Variants in CD200 observed in about 807,000 individuals in gnomAD.
The protein encoded by CD200 is CD200 molecule, also known as OX-2 membrane glycoprotein.
In CD200, 15 loss-of-function variants were observed where a neutral mutation model predicts 30.9. The ratio of observed to expected loss-of-function variants is 0.49; its 90% confidence interval spans 0.32 to 0.75. The LOEUF is 0.75. Ranked by LOEUF, CD200 falls within the 30% of genes least tolerant of loss-of-function variation. The probability of loss-of-function intolerance (pLI) is 0.03; values close to 1 mark genes in which losing one functional copy is unlikely to be tolerated. For missense variants in CD200, 262 were observed against 324.2 expected (o/e 0.81, Z 1.47); for synonymous variants, 134 against 126.2 (o/e 1.06, Z -0.41).
At chr3:112,356,669 A>G (rs1006039183) in intron 5 of CD200, among the ~76,000 whole-genome samples, 6 of 152,248 alleles carry the variant, frequency 3.9e-5, no homozygotes, top group Non-Finnish European at 7.3e-5. Flanking sequence ...ATTTATTTCT[A>G]CAATATTTCT....
chr3:112,355,485 G>A (rs1334411468), intron 5 of CD200, among the ~76,000 whole-genome samples: 2 of 151,726 alleles, frequency 1.3e-5, no homozygotes, highest in Admixed American at 1.3e-4. Flanking sequence ...CTTTGTCTTC[G>A]TCATAAGCAT....
At chr3:112,341,513 A>G (rs531821084) in intron 2 of CD200, among the ~76,000 whole-genome samples, 69 of 152,214 alleles carry the variant, frequency 4.5e-4, no homozygotes, top group African/African-American at 1.6e-3. Flanking sequence ...GGGAGGCCAC[A>G]CTCACTTTAC....
intron 5 of CD200, among the ~76,000 whole-genome samples, chr3:112,353,033 A>C (rs1485754059): frequency 6.6e-6 from 1 of 152,230 alleles, no homozygotes; most frequent in African/African-American, 2.4e-5. Context: ...CCAGCACTTT[A>C]AAACAGTAAG....
rs748502402 is a variant in CD200 at position 112,347,782 on chromosome 3, G to T, written c.646G>T (p.Val216Leu). ...GGTGGGGAAGGAGGTGATCTGCCAG[G>T]TGCTGCACCTGGGGACTGTGACCGA... ...NQVGKEVICQVLHLGTVTDFK... is the reference protein window; with the variant it reads ...NQVGKEVICQLLHLGTVTDFK... The change falls in exon 4 of 6, where the codon GTG (valine) becomes TTG (leucine). Residue 216 changes from valine (V) to leucine (L), a missense_variant. Coordinates refer to ENST00000315711, the MANE Select transcript of CD200 (RefSeq NM_005944.7). The T allele has an allele frequency of 1.2e-6, 2 of 1,613,880 alleles. No homozygotes were observed. Among genetic ancestry groups the T allele is most frequent in the Admixed American group, 1.7e-5 (1 of 59,998 alleles).
At chr3:112,347,223 C>T (rs1350066396) in intron 3 of CD200, among the ~76,000 whole-genome samples, 1 of 152,202 alleles carries the variant, frequency 6.6e-6, no homozygotes, top group African/African-American at 2.4e-5. Context: ...TGCATTGCCC[C>T]TGGAAGAGAA....
intron 5 of CD200, among the ~76,000 whole-genome samples, chr3:112,351,049 C>T (rs1284976159): frequency 6.6e-6 from 1 of 152,076 alleles, no homozygotes; most frequent in Non-Finnish European, 1.5e-5. Context: ...CATAAGTGCT[C>T]CACAGAATAA....
At position 112,340,982 on chromosome 3, in the gene CD200, A is replaced by G. The variant is rs748868833; in HGVS notation, c.93A>G (p.Gln31=). ...VMAAVVLCTA[Q]VQVVTQDERE... is the part of the protein sequence containing the mutation. ...CAGCAGTGGTGCTGTGCACAGCACA[A>G]GGTAAAGAAACTCAATTCCCCTGCT... Residue 31 remains glutamine, a splice_region_variant and synonymous_variant, in exon 2 of 6, where the codon CAA becomes CAG. Transcript: ENST00000315711. 1 of 1,603,318 alleles carries G rather than the reference A, an allele frequency of 6.2e-7. No homozygotes were observed. Among genetic ancestry groups the G allele is most frequent in the South Asian group, 1.1e-5 (1 of 90,644 alleles).
chr3:112,342,381 CTTTCTTTCTTTCT>C, intron 2 of CD200, among the ~76,000 whole-genome samples: 2 of 42,020 alleles, frequency 4.8e-5, no homozygotes, highest in East Asian at 8.9e-4. Context: ...TTCTTTCTTT[CTTTCTTTCTTTCT>C]TTCTTTCTTT....
intron 5 of CD200, among the ~76,000 whole-genome samples, chr3:112,358,743 G>GT (rs2081677880): frequency 6.6e-6 from 1 of 152,206 alleles, no homozygotes; most frequent in Admixed American, 6.5e-5. Flanking sequence ...TTTGCATCTA[G>GT]TTTCTCCTGT....
Position 112,347,723 on chromosome 3 carries a change from C to T in CD200, c.587C>T (p.Thr196Ile), listed in dbSNP as rs147048394. Residue 196 changes from threonine (T) to isoleucine (I), a missense_variant, in exon 4 of 6, where the codon ACC (threonine) becomes ATC (isoleucine). By Grantham distance (89) the Thr-to-Ile change is moderately conservative. Coordinates refer to ENST00000315711, the MANE Select transcript of CD200 (RefSeq NM_005944.7). ...LSHPNGTTSV[T>I]SILHIKDPKN... The stretch of plus-strand genomic sequence containing the variant: ...CACCCAAATGGGACCACGTCTGTTA[C>T]CAGCATCCTCCATATCAAAGACCCT... The T allele has an allele frequency of 5.0e-5, 80 of 1,613,966 alleles. No homozygotes were observed. The African/African-American group carries it at 9.3e-4, about 19-fold the overall frequency.
At chr3:112,361,481 A>G in intron 5 of CD200, 62 bp from the exon 6 acceptor site, 1 of 1,235,966 alleles carries the variant, frequency 8.1e-7, no homozygotes, top group Non-Finnish European at 1.2e-6. Context: ...TATCTTCTTA[A>G]AATGTATTAT....
rs869284838 is a variant in CD200, at chr3:112,342,338, C to CTTCT, written c.94+1445_94+1448dup. Among the ~76,000 whole-genome samples, 52 of 21,910 alleles carry CTTCT rather than the reference C, an allele frequency of 2.4e-3. 1 individual carries two copies. Among genetic ancestry groups the CTTCT allele is most frequent in the Admixed American group, 7.6e-3 (15 of 1,964 alleles). The allele number at this position is 21,910 out of a possible 152,430, so 14.4% of individuals were successfully genotyped here. On this transcript the variant is annotated intron_variant, in intron 2 of 5. Transcript: ENST00000315711. ...CTTTCTTTCTTTCTTTCTTTCTTTCCTTCTTTCTTTCTTTCTTTCTTTCTT... is the reference window on the plus strand; with the variant it reads ...CTTTCTTTCTTTCTTTCTTTCTTTCCTTCTTTCTTTCTTTCTTTCTTTCTTTCTT...
In CD200 at chr3:112,334,188, T is replaced by C. The variant is rs372635934; in HGVS notation, c.12+964T>C. ...TTTACACATAAACAGGCGGAAAGGC[T>C]GATATTTCCAAGTCCTTGTGACTAC... On this transcript the variant is annotated intron_variant, in intron 1 of 5. Transcript: ENST00000315711. The C allele has an allele frequency of 5.0e-5, 49 of 985,356 alleles. 1 individual carries two copies. The African/African-American group carries it at 8.0e-4, about 16-fold the overall frequency. The allele number at this position is 985,356 out of a possible 1,614,324, so 61.0% of individuals were successfully genotyped here.
chr3:112,337,549 G>A (rs2081146053), intron 1 of CD200, among the ~76,000 whole-genome samples: 1 of 152,182 alleles, frequency 6.6e-6, no homozygotes, highest in African/African-American at 2.4e-5. Context: ...TCTCTAGATA[G>A]TTAGGGGCTA....
At chr3:112,357,876 C>A (rs572635302) in intron 5 of CD200, among the ~76,000 whole-genome samples, 1 of 152,202 alleles carries the variant, frequency 6.6e-6, no homozygotes, top group African/African-American at 2.4e-5. Flanking sequence ...TTAATAAAGA[C>A]CAAAACATTT....
At chr3:112,333,074 G>A (rs1439537264), upstream of CD200, 95 of 1,293,398 alleles carry the variant, frequency 7.3e-5, no homozygotes, top group Non-Finnish European at 9.7e-5. Context: ...GGGGAAAACG[G>A]AGTGGGAGAA....
At chr3:112,333,667 C>A (rs1391922927) in intron 1 of CD200, 1 of 985,288 alleles carries the variant, frequency 1.0e-6, no homozygotes, top group Non-Finnish European at 1.2e-6. Context: ...CCAAAAGCTG[C>A]GGCGGAGATA....
At chr3:112,358,072 TCACACACGCG>T (rs777984121) in intron 5 of CD200, among the ~76,000 whole-genome samples, 9 of 152,098 alleles carry the variant, frequency 5.9e-5, no homozygotes, top group Non-Finnish European at 1.3e-4. Context: ...CAGGGGGCAT[TCACACACGCG>T]CACACACACG....
At chr3:112,350,908 T>C (rs12491166) in intron 5 of CD200, among the ~76,000 whole-genome samples, 42,696 of 152,158 alleles carry the variant, frequency 0.28, 6,811 homozygotes, top group Non-Finnish European at 0.37. Context: ...CTTGTGAATT[T>C]ATAAAACACC....
Sources: gnomAD v4.1 joint callset for allele counts (sites outside exome capture counted in the v4.1 genomes callset) on GRCh38, gnomAD v4.1.1 for gene constraint, MANE v1.5 for transcripts, NCBI Gene and HGNC (gene_info 2026-07-23, HGNC 2026-07-21) for gene names.